KCNMB2: variants seen among roughly 807,000 people sequenced by gnomAD.
KCNMB2 encodes potassium calcium-activated channel subfamily M regulatory beta subunit 2, also known as calcium-activated potassium channel subunit beta-2.
KCNMB2 carries 9 observed loss-of-function variants against 24.5 expected under a neutral mutation model. That is an observed-to-expected ratio of 0.37 (90% confidence interval 0.22 to 0.64). KCNMB2 has a LOEUF of 0.64. Among genes scored for constraint, KCNMB2 ranks in the 30% least tolerant of loss-of-function variants. KCNMB2 has a pLI of 0.63. For missense variants in KCNMB2, 226 were observed against 284.3 expected (o/e 0.79, Z 1.47); for synonymous variants, 109 against 104.4 (o/e 1.04, Z -0.27).
chr3:178,687,884 G>A (rs1721522093), intron 1 of KCNMB2, among the ~76,000 whole-genome samples: 1 of 152,096 alleles, frequency 6.6e-6, no homozygotes, highest in South Asian at 2.1e-4. Context: ...TCCAAAAGGT[G>A]AAACTACAAA....
intron 1 of KCNMB2, among the ~76,000 whole-genome samples, chr3:178,646,111 A>C (rs1157907034): frequency 6.6e-6 from 1 of 152,176 alleles, no homozygotes; most frequent in Non-Finnish European, 1.5e-5. Context: ...GGAACAAAAA[A>C]GGTGACAGTG....
At chr3:178,775,746 A>C (rs940601329) in intron 1 of KCNMB2, among the ~76,000 whole-genome samples, 1 of 152,166 alleles carries the variant, frequency 6.6e-6, no homozygotes, top group African/African-American at 2.4e-5. Flanking sequence ...AGAAAATTAG[A>C]ATCATTTTGC....
chr3:178,764,155 A>G (rs1246925766), intron 1 of KCNMB2, among the ~76,000 whole-genome samples: 1 of 152,228 alleles, frequency 6.6e-6, no homozygotes, highest in African/African-American at 2.4e-5. Context: ...ACATCTCATT[A>G]TTAAAAAGAA....
At chr3:178,741,392 A>C (rs1723490406) in intron 1 of KCNMB2, among the ~76,000 whole-genome samples, 1 of 152,156 alleles carries the variant, frequency 6.6e-6, no homozygotes, top group South Asian at 2.1e-4. Flanking sequence ...TCCTCCTAGA[A>C]GGAAGGGAAA....
chr3:178,681,278 A>G (rs1721262847), intron 1 of KCNMB2, among the ~76,000 whole-genome samples: 1 of 152,110 alleles, frequency 6.6e-6, no homozygotes, highest in Non-Finnish European at 1.5e-5. Flanking sequence ...GTATAACAAT[A>G]CCAACTTTAC....
At chr3:178,631,095 C>T (rs976897187) in intron 1 of KCNMB2, among the ~76,000 whole-genome samples, 1 of 152,308 alleles carries the variant, frequency 6.6e-6, no homozygotes, top group Admixed American at 6.5e-5. Context: ...CTGATGGAAG[C>T]TTATCTATTA....
At chr3:178,635,050 T>C (rs917330215) in intron 1 of KCNMB2, among the ~76,000 whole-genome samples, 1 of 152,122 alleles carries the variant, frequency 6.6e-6, no homozygotes, top group Non-Finnish European at 1.5e-5. Context: ...TCTGTTTTCA[T>C]GTATGACTTT....
chr3:178,578,090 G>T (rs1240405275), intron 1 of KCNMB2, among the ~76,000 whole-genome samples: 1 of 152,172 alleles, frequency 6.6e-6, no homozygotes, highest in Non-Finnish European at 1.5e-5. Context: ...ATTCACCAAG[G>T]TTAAAATGAA....
intron 1 of KCNMB2, among the ~76,000 whole-genome samples, chr3:178,542,906 T>G (rs927532059): frequency 3.3e-5 from 5 of 152,176 alleles, no homozygotes; most frequent in Admixed American, 6.5e-5. Context: ...TCAGAAGGAA[T>G]GTAGGTAGTA....
chr3:178,802,705 T>A (rs989947559), intron 1 of KCNMB2, among the ~76,000 whole-genome samples: 3 of 152,172 alleles, frequency 2.0e-5, no homozygotes, highest in East Asian at 1.9e-4. Flanking sequence ...CAGTATTTTT[T>A]AAAATTCTTC....
intron 1 of KCNMB2, among the ~76,000 whole-genome samples, chr3:178,781,258 T>TTTTTG (rs1196520115): frequency 2.6e-5 from 4 of 152,282 alleles, no homozygotes; most frequent in African/African-American, 7.2e-5. Flanking sequence ...TAAGAAGATA[T>TTTTTG]TTTTGTTTTG....
intron 4 of KCNMB2, 27 bp downstream of exon 4, chr3:178,828,400 G>T (rs1410042259): frequency 6.4e-7 from 1 of 1,563,436 alleles, no homozygotes; most frequent in African/African-American, 1.4e-5. Flanking sequence ...CTGCATTTCA[G>T]TTACCCCACA....
At chr3:178,576,366 G>C (rs189077491) in intron 1 of KCNMB2, among the ~76,000 whole-genome samples, 2 of 152,250 alleles carry the variant, frequency 1.3e-5, no homozygotes, top group Admixed American at 1.3e-4. Context: ...ACATTCCCTT[G>C]GGTGCCTATA....
intron 1 of KCNMB2, among the ~76,000 whole-genome samples, chr3:178,799,581 T>G (rs555880239): frequency 6.6e-6 from 1 of 152,134 alleles, no homozygotes; most frequent in African/African-American, 2.4e-5. Flanking sequence ...AGAATCAATA[T>G]TGTTAAAATG....
chr3:178,609,016 T>C (rs570019483), intron 1 of KCNMB2, among the ~76,000 whole-genome samples: 2 of 152,158 alleles, frequency 1.3e-5, no homozygotes, highest in Non-Finnish European at 2.9e-5. Flanking sequence ...AGCAGTGGGA[T>C]TGCTGGATCG....
At chr3:178,592,136 TG>T (rs1423057762) in intron 1 of KCNMB2, among the ~76,000 whole-genome samples, 1 of 152,170 alleles carries the variant, frequency 6.6e-6, no homozygotes, top group Non-Finnish European at 1.5e-5. Context: ...TTTTCTTCTT[TG>T]CTATTACTGG....
chr3:178,638,385 T>C (rs970255720), intron 1 of KCNMB2, among the ~76,000 whole-genome samples: 1 of 152,150 alleles, frequency 6.6e-6, no homozygotes, highest in South Asian at 2.1e-4. Flanking sequence ...TTCTTTATAT[T>C]TTCCTGTTTT....
At chr3:178,828,150 G>A (rs986599000) in intron 3 of KCNMB2, 28 bp from the exon 4 acceptor site, 2 of 1,569,792 alleles carry the variant, frequency 1.3e-6, no homozygotes, top group Non-Finnish European at 8.8e-7. Flanking sequence ...TCTTGGGCCT[G>A]TGTTTACTCT....
intron 1 of KCNMB2, among the ~76,000 whole-genome samples, chr3:178,561,111 A>C (rs1469308264): frequency 6.6e-6 from 1 of 152,180 alleles, no homozygotes; most frequent in Non-Finnish European, 1.5e-5. Context: ...TCACAAATGA[A>C]AACTCTTTTC....
Sources: gnomAD v4.1 joint callset for allele counts (sites outside exome capture counted in the v4.1 genomes callset) on GRCh38, gnomAD v4.1.1 for gene constraint, MANE v1.5 for transcripts, NCBI Gene and HGNC (gene_info 2026-07-23, HGNC 2026-07-21) for gene names.